ITCH: variants seen among roughly 807,000 people sequenced by gnomAD.
ITCH encodes the protein E3 ubiquitin-protein ligase Itchy homolog.
Under a neutral mutation model 126.8 loss-of-function variants are expected in ITCH, and 28 were observed. That is an observed-to-expected ratio of 0.22 (90% CI 0.16 to 0.30). The LOEUF (loss-of-function observed/expected upper bound fraction) is 0.30. Among genes scored for constraint, ITCH ranks in the 10% least tolerant of loss-of-function variants. The pLI is 1.00. For synonymous variants in ITCH, 342 were observed against 340.0 expected (o/e 1.01, Z -0.06); for missense variants, 631 against 1,032.4 (o/e 0.61, Z 5.33).
chr20:34,427,397 GCAATTGAGTGAGACCT>G (rs1188223191), intron 7 of ITCH, among the ~76,000 whole-genome samples: 4 of 152,092 alleles, frequency 2.6e-5, no homozygotes, highest in Non-Finnish European at 4.4e-5. Flanking sequence ...ACCAGCCTGG[GCAATTGAGTGAGACCT>G]CATCTCTACA....
chr20:34,481,304 T>A, intron 20 of ITCH, 98 bp downstream of exon 20: 2 of 1,319,874 alleles, frequency 1.5e-6, no homozygotes, highest in South Asian at 2.4e-5. Flanking sequence ...AAAATAGTAT[T>A]TGTCTCTGTA....
At chr20:34,414,187 A>G (rs1246356576) in intron 6 of ITCH, among the ~76,000 whole-genome samples, 3 of 151,696 alleles carry the variant, frequency 2.0e-5, no homozygotes, top group African/African-American at 7.3e-5. Context: ...TTTAAAAAAT[A>G]GACATTGATC....
At chr20:34,421,136 G>A (rs1018784214) in intron 6 of ITCH, among the ~76,000 whole-genome samples, 6 of 152,080 alleles carry the variant, frequency 3.9e-5, no homozygotes, top group African/African-American at 9.7e-5. Flanking sequence ...ACAGGATCTC[G>A]CTGTGTTGCC....
Position 34,445,279 on chromosome 20 carries a change from T to TTTTTTTTTA in ITCH, c.966-8_966-7insTTTTTTTTA. On this transcript the variant is annotated splice_region_variant and splice_polypyrimidine_tract_variant and intron_variant, in intron 10 of 24. Coordinates refer to ENST00000374864, the MANE Select transcript of ITCH (RefSeq NM_031483.7). ...TAGCTTGTTTTTTTTTTTTTTTTTC[T>TTTTTTTTTA]GATTTAGCTGGGAACGGCGGGTTGA... 6.3e-7 allele frequency: 1 copy of TTTTTTTTTA among 1,583,844 alleles called. No individual in the cohort carries two copies. Among genetic ancestry groups the TTTTTTTTTA allele is most frequent in the South Asian group, 1.2e-5 (1 of 86,602 alleles).
At chr20:34,478,142 C>T (rs1395461864) in intron 17 of ITCH, among the ~76,000 whole-genome samples, 1 of 152,170 alleles carries the variant, frequency 6.6e-6, no homozygotes, top group Non-Finnish European at 1.5e-5. Context: ...CTTAGAGACT[C>T]ACCTAAGGCA....
intron 1 of ITCH, among the ~76,000 whole-genome samples, chr20:34,368,162 T>C (rs569179596): frequency 2.6e-5 from 4 of 151,884 alleles, no homozygotes; most frequent in Admixed American, 2.0e-4. Flanking sequence ...ACCAGCTACT[T>C]GGGAGGCTGA....
At position 34,510,443 on chromosome 20, in the gene ITCH, A is replaced by ATTTTTT. The variant is rs10598635; in HGVS notation, c.*2671_*2676dup. 6.3e-5 allele frequency: 4 copies of ATTTTTT among 63,226 alleles called. No homozygotes were observed. Among genetic ancestry groups the ATTTTTT allele is most frequent in the African/African-American group, 2.0e-4 (3 of 14,638 alleles). The allele number at this position is 63,226 out of a possible 1,614,324, so 3.9% of individuals were successfully genotyped here. A position where few individuals can be genotyped will look rare whatever the true frequency, so the allele number is the denominator to read the frequency against. Reference sequence around the variant, plus strand: ...TTGTAAATGCTAATAAATCCTGTTAATTTTTTTTTTTTTTTTTTTTTTTTT... The same window carrying ATTTTTT: ...TTGTAAATGCTAATAAATCCTGTTAATTTTTTTTTTTTTTTTTTTTTTTTTTTTTTT... On this transcript the variant is annotated 3_prime_UTR_variant, in exon 25 of 25. Transcript: ENST00000374864.
At chr20:34,460,658 G>A (rs1986422355) in intron 13 of ITCH, among the ~76,000 whole-genome samples, 1 of 152,076 alleles carries the variant, frequency 6.6e-6, no homozygotes, top group Non-Finnish European at 1.5e-5. Context: ...TAAGCAGCTT[G>A]TCTAGGGTCA....
At chr20:34,429,562 A>G (rs1196772131) in intron 7 of ITCH, among the ~76,000 whole-genome samples, 2 of 152,150 alleles carry the variant, frequency 1.3e-5, no homozygotes, top group Non-Finnish European at 2.9e-5. Flanking sequence ...CAATGGTTAG[A>G]CACACACGTT....
intron 23 of ITCH, among the ~76,000 whole-genome samples, chr20:34,494,108 A>C (rs1049300059): frequency 2.6e-5 from 4 of 152,226 alleles, no homozygotes; most frequent in Non-Finnish European, 5.9e-5. Context: ...GCACACTTGT[A>C]GCCCTGGCTA....
At chr20:34,471,359 A>C in intron 15 of ITCH, 85 bp from the exon 16 acceptor site, 1 of 787,348 alleles carries the variant, frequency 1.3e-6, no homozygotes, top group East Asian at 2.5e-5. Context: ...AGGAAAGATA[A>C]AAGTAAATAA....
chr20:34,378,101 A>G (rs2037914282), intron 2 of ITCH, among the ~76,000 whole-genome samples: 1 of 151,672 alleles, frequency 6.6e-6, no homozygotes, highest in Non-Finnish European at 1.5e-5. Flanking sequence ...TTTAGAGACT[A>G]TAGTCTTTTT....
intron 2 of ITCH, among the ~76,000 whole-genome samples, chr20:34,373,132 G>A (rs2037703774): frequency 6.6e-6 from 1 of 151,926 alleles, no homozygotes; most frequent in African/African-American, 2.4e-5. Context: ...GTGCCACCAC[G>A]CCCAGCTAAT....
chr20:34,460,389 C>T (rs755406894), intron 13 of ITCH, among the ~76,000 whole-genome samples: 4 of 135,826 alleles, frequency 2.9e-5, no homozygotes, highest in Non-Finnish European at 6.2e-5. Flanking sequence ...GAGACGGTGT[C>T]TCTATGTTGC....
At chr20:34,492,400 C>T (rs889442305) in intron 22 of ITCH, 101 bp from the exon 23 acceptor site, 21 of 810,762 alleles carry the variant, frequency 2.6e-5, no homozygotes, top group Non-Finnish European at 4.0e-5. Context: ...CACCTCACCT[C>T]TAAAAAAAAT....
intron 4 of ITCH, among the ~76,000 whole-genome samples, chr20:34,409,234 C>T (rs532578402): frequency 2.5e-4 from 38 of 150,096 alleles, no homozygotes; most frequent in African/African-American, 7.9e-4. Context: ...ACCCTGTCAC[C>T]CAAGCTGGAG....
At chr20:34,498,706 G>C (rs934327006) in intron 23 of ITCH, among the ~76,000 whole-genome samples, 1 of 152,044 alleles carries the variant, frequency 6.6e-6, no homozygotes, top group Admixed American at 6.5e-5. Flanking sequence ...TGATTTGCTT[G>C]TATTTCATTG....
chr20:34,401,221 C>A (rs1244290022), intron 3 of ITCH, among the ~76,000 whole-genome samples: 1 of 152,098 alleles, frequency 6.6e-6, no homozygotes, highest in Non-Finnish European at 1.5e-5. Flanking sequence ...TTACCTGTTT[C>A]CCATTTAATT....
At chr20:34,437,441 G>A (rs1027034123) in intron 7 of ITCH, among the ~76,000 whole-genome samples, 1 of 152,176 alleles carries the variant, frequency 6.6e-6, no homozygotes, top group Non-Finnish European at 1.5e-5. Context: ...GAGTAGCTTC[G>A]ACTACAGGCG....
Sources: allele counts gnomAD v4.1 joint callset (sites outside exome capture counted in the v4.1 genomes callset), GRCh38; gene constraint gnomAD v4.1.1; transcripts MANE v1.5; gene names NCBI Gene and HGNC (gene_info 2026-07-23, HGNC 2026-07-21).